The following ADAMTS12 variants were observed in gnomAD, a reference collection of about 807,000 sequenced individuals.
ADAMTS12 encodes A disintegrin and metalloproteinase with thrombospondin motifs 12.
In ADAMTS12, 118 loss-of-function variants were observed where a neutral mutation model predicts 167.8. The ratio of observed to expected loss-of-function variants is 0.70; its 90% CI spans 0.61 to 0.82. ADAMTS12 has a LOEUF of 0.82. Ranked by LOEUF, ADAMTS12 falls within the 40% of genes least tolerant of loss-of-function variation. ADAMTS12 has a pLI of 0.00. For missense variants in ADAMTS12, 1,916 were observed against 1,998.8 expected (o/e 0.96, Z 0.79); for synonymous variants, 704 against 716.9 (o/e 0.98, Z 0.29).
chr5:33,872,736 C>A (rs1339998816), intron 2 of ADAMTS12, among the ~76,000 whole-genome samples: 1 of 152,158 alleles, frequency 6.6e-6, no homozygotes, highest in Non-Finnish European at 1.5e-5. Context: ...TCAGGCAGGA[C>A]ACATAATACA....
intron 3 of ADAMTS12, among the ~76,000 whole-genome samples, chr5:33,726,340 C>T (rs1452103165): frequency 4.6e-5 from 7 of 152,152 alleles, no homozygotes; most frequent in East Asian, 1.9e-4. Context: ...AAAAAAGCTC[C>T]GTGGCTGACG....
At chr5:33,689,713 A>G (rs1447308375) in intron 3 of ADAMTS12, among the ~76,000 whole-genome samples, 3 of 152,216 alleles carry the variant, frequency 2.0e-5, no homozygotes, top group Non-Finnish European at 2.9e-5. Flanking sequence ...CACTATTGAT[A>G]GCTGCTTGCT....
chr5:33,624,389 G>A (rs1362903949), intron 13 of ADAMTS12, 38 bp from the exon 14 acceptor site: 1 of 1,612,890 alleles, frequency 6.2e-7, no homozygotes, highest in African/African-American at 1.3e-5. Flanking sequence ...TGCCCAGGCA[G>A]GGGATGCCAC....
chr5:33,576,022 TAAAA>T (rs1479445664), intron 19 of ADAMTS12, 28 bp downstream of exon 19: 1 of 1,570,782 alleles, frequency 6.4e-7, no homozygotes, highest in Admixed American at 1.9e-5. Context: ...TTTTTCCATG[TAAAA>T]CCAGGCCAGG....
intron 18 of ADAMTS12, among the ~76,000 whole-genome samples, chr5:33,581,056 G>A (rs761454446): frequency 5.3e-5 from 8 of 152,200 alleles, no homozygotes; most frequent in Non-Finnish European, 1.2e-4. Context: ...GCCTGAATAC[G>A]AACTTGCCTT....
In ADAMTS12 at chr5:33,531,699, C is replaced by A. The variant is rs78350456; in HGVS notation, c.4606+3134G>T. Among the ~76,000 whole-genome samples the A allele has an allele frequency of 7.5e-3, 1,143 of 152,284 alleles. 7 individuals carry two copies. Among genetic ancestry groups the A allele is most frequent in the Non-Finnish European group, 0.012 (832 of 68,022 alleles). On this transcript the variant is annotated intron_variant, in intron 23 of 23. Transcript: ENST00000504830. ...TCTTTTTCTCAACACAGGAGGCCCA[C>A]TTGTCAGGTTAGGTCAACACCTAAA...
chr5:33,617,482 C>G (rs1294569651), intron 14 of ADAMTS12, among the ~76,000 whole-genome samples: 4 of 152,128 alleles, frequency 2.6e-5, no homozygotes, highest in Non-Finnish European at 5.9e-5. Context: ...ATTGGCAGCT[C>G]TCATCCAGAG....
intron 5 of ADAMTS12, among the ~76,000 whole-genome samples, chr5:33,671,331 T>G (rs1741683921): frequency 6.6e-6 from 1 of 152,190 alleles, no homozygotes. Context: ...CACACCACTG[T>G]GTGCATCTGA....
At chr5:33,653,362 C>A (rs1740935278) in intron 7 of ADAMTS12, among the ~76,000 whole-genome samples, 1 of 152,016 alleles carries the variant, frequency 6.6e-6, no homozygotes, top group Non-Finnish European at 1.5e-5. Context: ...TGAAATAAAT[C>A]CCACTTGGTC....
chr5:33,653,925 G>T (rs1740952536), intron 7 of ADAMTS12, among the ~76,000 whole-genome samples: 1 of 152,016 alleles, frequency 6.6e-6, no homozygotes, highest in Non-Finnish European at 1.5e-5. Context: ...TCTTTCTGAG[G>T]CTCCAATGAC....
chr5:33,865,821 A>G (rs1370571932), intron 2 of ADAMTS12, among the ~76,000 whole-genome samples: 11 of 152,168 alleles, frequency 7.2e-5, no homozygotes, highest in African/African-American at 2.7e-4. Flanking sequence ...ACCAACAACG[A>G]CCAAGCTGAG....
At chr5:33,685,507 T>C (rs996802597) in intron 3 of ADAMTS12, among the ~76,000 whole-genome samples, 1 of 152,236 alleles carries the variant, frequency 6.6e-6, no homozygotes, top group Non-Finnish European at 1.5e-5. Flanking sequence ...GTGTAACCCT[T>C]CCTGGTTCCT....
chr5:33,544,349 A>G (rs1325590484), intron 22 of ADAMTS12, among the ~76,000 whole-genome samples: 1 of 152,234 alleles, frequency 6.6e-6, no homozygotes, highest in Non-Finnish European at 1.5e-5. Context: ...CCACTGCTCA[A>G]TGAAATAAAA....
intron 2 of ADAMTS12, among the ~76,000 whole-genome samples, chr5:33,846,496 A>C (rs1748950312): frequency 6.6e-6 from 1 of 152,200 alleles, no homozygotes; most frequent in African/African-American, 2.4e-5. Context: ...GTCAAGCTCA[A>C]ATGCTCATCT....
At chr5:33,565,320 T>G (rs1280135316) in intron 19 of ADAMTS12, among the ~76,000 whole-genome samples, 1 of 152,146 alleles carries the variant, frequency 6.6e-6, no homozygotes, top group Non-Finnish European at 1.5e-5. Flanking sequence ...CACGTCTAAT[T>G]TTTATATTTT....
intron 2 of ADAMTS12, among the ~76,000 whole-genome samples, chr5:33,850,203 G>C (rs528408065): frequency 6.6e-6 from 1 of 152,072 alleles, no homozygotes; most frequent in African/African-American, 2.4e-5. Context: ...CCTGCACATC[G>C]GTTAAGCAGG....
intron 3 of ADAMTS12, among the ~76,000 whole-genome samples, chr5:33,749,460 T>G (rs1314583240): frequency 6.6e-6 from 1 of 151,978 alleles, no homozygotes; most frequent in Non-Finnish European, 1.5e-5. Context: ...AAGGTTCTTC[T>G]AGTAGAGCTG....
intron 2 of ADAMTS12, among the ~76,000 whole-genome samples, chr5:33,842,209 T>A (rs1385555448): frequency 6.6e-6 from 1 of 152,226 alleles, no homozygotes; most frequent in African/African-American, 2.4e-5. Flanking sequence ...CTGTAACTCA[T>A]AAGAGAAGCA....
intron 2 of ADAMTS12, among the ~76,000 whole-genome samples, chr5:33,842,353 T>C (rs1376204603): frequency 1.3e-5 from 2 of 152,214 alleles, no homozygotes; most frequent in East Asian, 1.9e-4. Context: ...GTGCTTTACT[T>C]AGGGAACTAT....
Sources: gnomAD v4.1 joint callset for allele counts (sites outside exome capture counted in the v4.1 genomes callset) on GRCh38, gnomAD v4.1.1 for gene constraint, MANE v1.5 for transcripts, NCBI Gene and HGNC (gene_info 2026-07-23, HGNC 2026-07-21) for gene names.